NOTUM: variants seen among roughly 807,000 people sequenced by gnomAD.
NOTUM encodes palmitoleoyl-protein carboxylesterase NOTUM.
A neutral mutation model predicts 65.5 loss-of-function variants in NOTUM; 36 were observed. That is an observed-to-expected ratio of 0.55 (90% CI 0.42 to 0.73). NOTUM has a LOEUF of 0.73. Among genes scored for constraint, NOTUM ranks in the 30% least tolerant of loss-of-function variants. NOTUM has a pLI of 0.00. For synonymous variants in NOTUM, 356 were observed against 297.9 expected (o/e 1.20, Z -2.01); for missense variants, 659 against 694.2 (o/e 0.95, Z 0.57).
chr17:81,958,437 C>T (rs773842190), intron 4 of NOTUM, 44 bp from the exon 5 acceptor site: 6 of 1,403,162 alleles, frequency 4.3e-6, no homozygotes, highest in African/African-American at 1.4e-5. Flanking sequence ...GCCTGCCGCC[C>T]GGCAGCCTCC....
rs897110366 is a variant in NOTUM, at chr17:81,959,428, C to T, written c.472+43G>A. On this transcript the variant is annotated intron_variant, in intron 3 of 10. Coordinates refer to ENST00000409678, the MANE Select transcript of NOTUM (RefSeq NM_178493.6). ...CCAGGAGGCGGGCGCGGCTTCCTCC[C>T]GGGCCTCACGTCGAGACGCCTTCCC... 5 of 1,452,368 alleles carry T rather than the reference C, an allele frequency of 3.4e-6. No individual in the cohort carries two copies. The African/African-American group carries it at 5.6e-5, about 16-fold the overall frequency. 90.0% of individuals were successfully genotyped at this position (1,452,368 alleles called of 1,614,324 possible).
At chr17:81,959,355 G>T in intron 3 of NOTUM, 116 bp downstream of exon 3, 1 of 775,832 alleles carries the variant, frequency 1.3e-6, no homozygotes, top group Non-Finnish European at 2.1e-6. Flanking sequence ...TAGTAAACCC[G>T]GGCGCCAGGC....
intron 9 of NOTUM, 53 bp from the exon 10 acceptor site, chr17:81,954,356 T>TA: frequency 8.1e-6 from 11 of 1,353,212 alleles, no homozygotes; most frequent in Non-Finnish European, 1.2e-5. Context: ...CAGCCCCTTT[T>TA]CCACCCCCAC....
At chr17:81,958,417 C>T in intron 4 of NOTUM, 24 bp from the exon 5 acceptor site, 1 of 1,579,390 alleles carries the variant, frequency 6.3e-7, no homozygotes, top group Non-Finnish European at 8.7e-7. Context: ...CAGAGTGAGC[C>T]TGTCACAGCG....
In NOTUM at chr17:81,956,702, C is replaced by G. The variant is rs1290374370; in HGVS notation, c.936G>C (p.Glu312Asp). 6.2e-7 allele frequency: 1 copy of G among 1,612,952 alleles called. No homozygotes were observed. Among genetic ancestry groups the G allele is most frequent in the African/African-American group, 1.3e-5 (1 of 74,934 alleles). The change falls in exon 8 of 11, where the codon GAG becomes GAC. Residue 312 changes from glutamate to aspartate, a missense_variant. Transcript: ENST00000409678. ...CAAAGAAGCAGTTCCACTCCTCGCC[C>G]TCCTGGAACTGGCGTCGGCAGCGCT... The part of the protein sequence containing the change: ...VPERCRRQFQ[E>D]GEEWNCFFGY...
intron 6 of NOTUM, 109 bp downstream of exon 6, chr17:81,957,697 C>T: frequency 1.3e-6 from 1 of 754,680 alleles, no homozygotes; most frequent in East Asian, 2.7e-5. Context: ...AAGATCTGCA[C>T]AGGCTCCACT....
rs1475162738 is a variant in NOTUM, at chr17:81,952,537, T to A, written c.*424A>T. 1 of 161,938 alleles carries A rather than the reference T, an allele frequency of 6.2e-6. No individual in the cohort carries two copies. Among genetic ancestry groups the A allele is most frequent in the African/African-American group, 2.4e-5 (1 of 41,720 alleles). 10.0% of individuals were successfully genotyped at this position (161,938 alleles called of 1,614,324 possible). The stretch of plus-strand genomic sequence containing the variant: ...TTCTTTTTTGTCTCTTTAAAATCAT[T>A]TTTAAAAAGTTACAAAACAATATCA... On this transcript the variant is annotated 3_prime_UTR_variant, in exon 11 of 11. Coordinates refer to ENST00000409678, the MANE Select transcript of NOTUM (RefSeq NM_178493.6).
chr17:81,959,620 C>G lies in NOTUM; in HGVS notation c.376+20G>C. On this transcript the variant is annotated intron_variant, in intron 2 of 10. Transcript: ENST00000409678. ...CGCGCACAGACCCCCGGCCTCCCCC[C>G]GCCTCAGCCCTGGACGCACCTTCCA... 1 of 1,545,782 alleles carries G rather than the reference C, an allele frequency of 6.5e-7. No homozygotes were observed. Among genetic ancestry groups the G allele is most frequent in the Non-Finnish European group, 8.7e-7 (1 of 1,145,004 alleles).
intron 5 of NOTUM, 87 bp from the exon 6 acceptor site, chr17:81,957,995 GC>G: frequency 1.0e-6 from 1 of 966,594 alleles, no homozygotes; most frequent in Non-Finnish European, 1.6e-6. Context: ...AGAAGTTCTT[GC>G]CCCACTGGGG....
rs1449444141 is a variant in NOTUM, at chr17:81,956,866, C to T, written c.887+17G>A. The T allele has an allele frequency of 1.2e-6, 2 of 1,605,002 alleles. No individual in the cohort carries two copies. The highest frequency in any genetic ancestry group is 2.7e-5 in the African/African-American group (2 of 74,970). On this transcript the variant is annotated intron_variant, in intron 7 of 10. Transcript: ENST00000409678. ...GCAAAGCTGCAGCACGAGGACGGGC[C>T]CTCCCCGCTGCGGCACCTGATGCCA...
intron 9 of NOTUM, 56 bp from the exon 10 acceptor site, chr17:81,954,359 A>T (rs895699981): frequency 8.2e-7 from 1 of 1,222,314 alleles, no homozygotes; most frequent in African/African-American, 1.9e-5. Context: ...CCCCTTTTCC[A>T]CCCCCACTCC....
chr17:81,953,732 T>C (rs1052230103), intron 10 of NOTUM, among the ~76,000 whole-genome samples: 33 of 151,482 alleles, frequency 2.2e-4, no homozygotes, highest in Middle Eastern at 3.5e-3. Context: ...GCCTCCTGAG[T>C]AGCTGGGATT....
chr17:81,959,320 A>G, intron 3 of NOTUM, 151 bp downstream of exon 3: 1 of 646,134 alleles, frequency 1.5e-6, no homozygotes, highest in African/African-American at 1.8e-5. Flanking sequence ...CCCAAAAGGC[A>G]AGAGTGAAGG....
chr17:81,960,978 GGGGGT>G lies in NOTUM; in HGVS notation c.-74_-70del. ...CGGCGGCGGCGGGGGATGCCGGGCC[GGGGGT>G]GCCGGGCCGGGGGTGTCGGGGGCAC... is the stretch of plus-strand genomic sequence containing the variant. On this transcript the variant is annotated 5_prime_UTR_variant, in exon 1 of 11. Coordinates refer to ENST00000409678, the MANE Select transcript of NOTUM (RefSeq NM_178493.6). This position sits in a 1 kb window ranked among gnomAD's most constrained non-coding sequence, Gnocchi z 6.4. 5 of 861,416 alleles carry G rather than the reference GGGGGT, an allele frequency of 5.8e-6. No individual in the cohort carries two copies. Among genetic ancestry groups the G allele is most frequent in the South Asian group, 5.6e-5 (1 of 17,900 alleles). 53.4% of individuals were successfully genotyped at this position (861,416 alleles called of 1,614,324 possible). A position where few individuals can be genotyped will look rare whatever the true frequency, so the allele number is the denominator to read the frequency against.
At chr17:81,959,721 C>G in intron 1 of NOTUM, 29 bp from the exon 2 acceptor site, 1 of 1,353,504 alleles carries the variant, frequency 7.4e-7, no homozygotes, top group Non-Finnish European at 9.6e-7. Flanking sequence ...CGCGGGGGGT[C>G]GGCCAGGGCT....
intron 3 of NOTUM, 177 bp downstream of exon 3, chr17:81,959,294 C>A: frequency 1.6e-6 from 1 of 620,654 alleles, no homozygotes; most frequent in East Asian, 2.7e-5. Context: ...CGCCTGAATG[C>A]TAATGTGGAA....
chr17:81,958,389 T>C lies in NOTUM; in HGVS notation c.538A>G (p.Ile180Val), dbSNP rs755996516. 1 of 1,609,008 alleles carries C rather than the reference T, an allele frequency of 6.2e-7. No individual in the cohort carries two copies. Among genetic ancestry groups the C allele is most frequent in the East Asian group, 2.2e-5 (1 of 44,864 alleles). Reference protein sequence around the residue: ...PYWWNANMVFIPYCSSDVWSG... With the variant: ...PYWWNANMVFVPYCSSDVWSG... Reference sequence around the variant, plus strand: ...CAAACATCACTGGAGCAGTAGGGGATGAAGCTGCAACACAGAACAGAGTGA... The same window carrying C: ...CAAACATCACTGGAGCAGTAGGGGACGAAGCTGCAACACAGAACAGAGTGA... Residue 180 changes from isoleucine (I) to valine (V), a missense_variant, in exon 5 of 11, where the codon ATC becomes GTC. By Grantham distance (29) the Ile-to-Val change is conservative. Coordinates refer to ENST00000409678, the MANE Select transcript of NOTUM (RefSeq NM_178493.6).
Position 81,960,903 on chromosome 17 carries a change from G to C in NOTUM, c.7C>G (p.Arg3Gly). 2 of 1,253,642 alleles carry C rather than the reference G, an allele frequency of 1.6e-6. No individual in the cohort carries two copies. Among genetic ancestry groups the C allele is most frequent in the Non-Finnish European group, 2.0e-6 (2 of 999,286 alleles). 77.7% of individuals were successfully genotyped at this position (1,253,642 alleles called of 1,614,324 possible). A position where few individuals can be genotyped will look rare whatever the true frequency, so the allele number is the denominator to read the frequency against. Reference sequence around the variant, plus strand: ...AGCAGCAGCAGCACGCGCACCCCTCGGCCCATGGCCGCGTCCACCTGCGGG... The same window carrying C: ...AGCAGCAGCAGCACGCGCACCCCTCCGCCCATGGCCGCGTCCACCTGCGGG... The part of the protein sequence containing the change: MG[R>G]GVRVLLLLSL... Residue 3 changes from arginine (R) to glycine (G), a missense_variant, in exon 1 of 11, where the codon CGA (arginine) becomes GGA (glycine). Physicochemically the swap from Arg to Gly is moderately radical, Grantham distance 125 (BLOSUM62 -2). Coordinates refer to ENST00000409678, the MANE Select transcript of NOTUM (RefSeq NM_178493.6). The surrounding 1 kb of genome is among the most constrained non-coding windows in gnomAD (Gnocchi z 6.4).
At chr17:81,958,600 G>A (rs1056846868) in intron 4 of NOTUM, among the ~76,000 whole-genome samples, 5 of 150,172 alleles carry the variant, frequency 3.3e-5, no homozygotes, top group East Asian at 3.9e-4. Flanking sequence ...CCCTTTCCAG[G>A]AAAGACCAAC....
Sources: allele counts gnomAD v4.1 joint callset (sites outside exome capture counted in the v4.1 genomes callset), GRCh38; gene constraint gnomAD v4.1.1; non-coding constraint Gnocchi (gnomAD v3.1); transcripts MANE v1.5; gene names NCBI Gene and HGNC (gene_info 2026-07-23, HGNC 2026-07-21).